Variants in KCND2 observed in about 807,000 individuals in gnomAD.
KCND2 encodes the protein A-type voltage-gated potassium channel KCND2.
A neutral mutation model predicts 54.4 loss-of-function variants in KCND2; 16 were observed. The observed-to-expected ratio is 0.29, with a 90% CI of 0.20 to 0.45. KCND2 has a LOEUF of 0.45. Among genes scored for constraint, KCND2 ranks in the 20% least tolerant of loss-of-function variants. The pLI is 1.00. For missense variants in KCND2, 486 were observed against 824.2 expected (o/e 0.59, Z 5.02); for synonymous variants, 317 against 310.7 (o/e 1.02, Z -0.21).
intron 1 of KCND2, among the ~76,000 whole-genome samples, chr7:120,500,036 C>G (rs1180734809): frequency 2.6e-5 from 4 of 152,152 alleles, no homozygotes; most frequent in Admixed American, 2.6e-4. Flanking sequence ...TCAATACTAT[C>G]TTTAATTTGC....
chr7:120,309,474 T>TATAC (rs1257702636), intron 1 of KCND2, among the ~76,000 whole-genome samples: 53 of 113,270 alleles, frequency 4.7e-4, no homozygotes, highest in African/African-American at 1.7e-3. Context: ...TATATATATA[T>TATAC]ACACACACAC....
At chr7:120,519,649 T>G (rs1387177723) in intron 1 of KCND2, among the ~76,000 whole-genome samples, 1 of 152,208 alleles carries the variant, frequency 6.6e-6, no homozygotes, top group Non-Finnish European at 1.5e-5. Flanking sequence ...ACTGACTTTG[T>G]GATAATTTGT....
At chr7:120,355,781 C>T (rs1022407825) in intron 1 of KCND2, among the ~76,000 whole-genome samples, 3 of 152,174 alleles carry the variant, frequency 2.0e-5, no homozygotes, top group African/African-American at 4.8e-5. Context: ...AGGGGACTGT[C>T]TGTATCTTCT....
intron 1 of KCND2, among the ~76,000 whole-genome samples, chr7:120,731,607 G>A (rs535147632): frequency 2.0e-4 from 30 of 152,302 alleles, no homozygotes; most frequent in African/African-American, 7.2e-4. Context: ...AAGCAACATA[G>A]CAGTAGTCCA....
chr7:120,448,598 G>T (rs1304954708), intron 1 of KCND2, among the ~76,000 whole-genome samples: 1 of 151,448 alleles, frequency 6.6e-6, no homozygotes, highest in Non-Finnish European at 1.5e-5. Flanking sequence ...TGATACCAAA[G>T]GCTGGCAGAG....
At chr7:120,733,208 A>G in intron 2 of KCND2, 143 bp downstream of exon 2, 1 of 758,148 alleles carries the variant, frequency 1.3e-6, no homozygotes, top group Non-Finnish European at 2.3e-6. Context: ...CTACACTAAA[A>G]AGAAACGTAA....
At chr7:120,460,017 A>G (rs1339717627) in intron 1 of KCND2, among the ~76,000 whole-genome samples, 1 of 152,152 alleles carries the variant, frequency 6.6e-6, no homozygotes, top group Non-Finnish European at 1.5e-5. Context: ...AATGATTCTC[A>G]TCTTCAAATT....
intron 1 of KCND2, among the ~76,000 whole-genome samples, chr7:120,601,470 T>G (rs1411707545): frequency 8.1e-6 from 1 of 123,746 alleles, no homozygotes; most frequent in Non-Finnish European, 1.7e-5. Flanking sequence ...AAGTAAGGCG[T>G]TTTTTTTGTG....
At chr7:120,357,177 G>A (rs1438938871) in intron 1 of KCND2, among the ~76,000 whole-genome samples, 1 of 151,862 alleles carries the variant, frequency 6.6e-6, no homozygotes, top group Non-Finnish European at 1.5e-5. Context: ...TTAAGCAAGT[G>A]CCACCAGAAA....
At chr7:120,558,590 G>A (rs1398875283) in intron 1 of KCND2, among the ~76,000 whole-genome samples, 1 of 152,092 alleles carries the variant, frequency 6.6e-6, no homozygotes, top group Non-Finnish European at 1.5e-5. Flanking sequence ...TAGCCACAAA[G>A]TTTCTTATAA....
chr7:120,686,753 A>G (rs2116597162), intron 1 of KCND2, among the ~76,000 whole-genome samples: 1 of 152,120 alleles, frequency 6.6e-6, no homozygotes, highest in South Asian at 2.1e-4. Context: ...TGCTCACCTG[A>G]GGCATTCTTC....
rs535355162 is a variant in KCND2 at position 120,487,056 on chromosome 7, T to G, written c.1115+211309T>G. Among the ~76,000 whole-genome samples, 19 of 152,284 alleles carry G rather than the reference T, an allele frequency of 1.2e-4. No individual in the cohort carries two copies. The East Asian group carries it at 3.5e-3, about 28-fold the overall frequency. ...GCCATAAATTGTAAAATCAATATGCTAAGCTACTGGAAGCCAATGTGAAAA... is the reference window on the plus strand; with the variant it reads ...GCCATAAATTGTAAAATCAATATGCGAAGCTACTGGAAGCCAATGTGAAAA... On this transcript the variant is annotated intron_variant, in intron 1 of 5. Transcript: ENST00000331113.
intron 1 of KCND2, among the ~76,000 whole-genome samples, chr7:120,709,776 C>T (rs1584892182): frequency 6.6e-6 from 1 of 152,140 alleles, no homozygotes; most frequent in Non-Finnish European, 1.5e-5. Context: ...AGATGTGACA[C>T]TCTTACCTAG....
At chr7:120,569,992 C>T (rs1252291750) in intron 1 of KCND2, among the ~76,000 whole-genome samples, 1 of 152,084 alleles carries the variant, frequency 6.6e-6, no homozygotes, top group Non-Finnish European at 1.5e-5. Context: ...CACTGAAGCA[C>T]TCCAAGCAGT....
At chr7:120,426,629 G>A (rs1450487981) in intron 1 of KCND2, among the ~76,000 whole-genome samples, 3 of 79,744 alleles carry the variant, frequency 3.8e-5, no homozygotes, top group Non-Finnish European at 6.0e-5. Flanking sequence ...TCGCTCTGTC[G>A]CCCAGGCTGG....
intron 1 of KCND2, among the ~76,000 whole-genome samples, chr7:120,685,988 C>T (rs1171382822): frequency 2.6e-5 from 4 of 152,108 alleles, no homozygotes; most frequent in African/African-American, 9.7e-5. Context: ...AGATCCTCCC[C>T]ACTCCCCAAA....
At chr7:120,534,284 G>T (rs1562866162) in intron 1 of KCND2, among the ~76,000 whole-genome samples, 1 of 152,030 alleles carries the variant, frequency 6.6e-6, no homozygotes, top group African/African-American at 2.4e-5. Context: ...TTGATAGCTC[G>T]TACCATTGCA....
chr7:120,674,310 C>T (rs1296414563), intron 1 of KCND2, among the ~76,000 whole-genome samples: 1 of 152,140 alleles, frequency 6.6e-6, no homozygotes, highest in Non-Finnish European at 1.5e-5. Flanking sequence ...AGGCGCTGCT[C>T]CAATAACAGC....
intron 1 of KCND2, among the ~76,000 whole-genome samples, chr7:120,728,157 GAAAAA>G (rs1792759309): frequency 6.8e-6 from 1 of 146,238 alleles, no homozygotes; most frequent in South Asian, 2.2e-4. Context: ...AAGAAAGAAA[GAAAAA>G]AGAAAAGAAA....
Sources: gnomAD v4.1 joint callset for allele counts (sites outside exome capture counted in the v4.1 genomes callset) on GRCh38, gnomAD v4.1.1 for gene constraint, MANE v1.5 for transcripts, NCBI Gene and HGNC (gene_info 2026-07-23, HGNC 2026-07-21) for gene names.